FADS1: variants seen among roughly 807,000 people sequenced by gnomAD.
FADS1 encodes the protein acyl-CoA (8-3)-desaturase.
A neutral mutation model predicts 61.6 loss-of-function variants in FADS1; 17 were observed. The observed-to-expected ratio is 0.28, with a 90% CI of 0.19 to 0.41. FADS1 has a LOEUF of 0.41. Among genes scored for constraint, FADS1 ranks in the 10% least tolerant of loss-of-function variants. The pLI, the probability that FADS1 is intolerant of heterozygous loss-of-function variation, is 1.00. For synonymous variants in FADS1, 238 were observed against 258.7 expected, an observed-to-expected ratio of 0.92 and a Z score of 0.77; for missense variants, 387 against 650.9, an observed-to-expected ratio of 0.59 and a Z score of 4.41.
chr11:61,816,905 C>CA lies in FADS1; in HGVS notation c.24_25insT (p.Ala9CysfsTer8). On this transcript the variant is annotated frameshift_variant, in exon 1 of 12. Transcript: ENST00000350997. LOFTEE classifies it high-confidence loss of function. The surrounding 1 kb of genome is among the most constrained non-coding windows in gnomAD (Gnocchi z 7.0). ...TTTTCAGCACCGCAGGGCAGACCGG[C>CA]GGGCCTCGCAGCGCGCGTTCCCATT... The CA allele has an allele frequency of 4.2e-6, 6 of 1,413,954 alleles. No homozygotes were observed. Among genetic ancestry groups the CA allele is most frequent in the Non-Finnish European group, 5.5e-6 (6 of 1,096,116 alleles). 87.6% of individuals were successfully genotyped at this position (1,413,954 alleles called of 1,614,324 possible). A position where few individuals can be genotyped will look rare whatever the true frequency, so the allele number is the denominator to read the frequency against.
chr11:61,816,966 C>A lies in FADS1; in HGVS notation c.-37G>T. The A allele has an allele frequency of 7.3e-7, 1 of 1,372,090 alleles. No individual in the cohort carries two copies. The highest frequency in any genetic ancestry group is 1.7e-5 in the South Asian group (1 of 59,574). 85.0% of individuals were successfully genotyped at this position (1,372,090 alleles called of 1,614,324 possible). ...CGTGGCGCGGGGAGCGAGATCCCGT[C>A]CCCCGGTGGGTCTTGGGCAACTCAC... On this transcript the variant is annotated 5_prime_UTR_variant, in exon 1 of 12. Transcript: ENST00000350997. This position sits in a 1 kb window ranked among gnomAD's most constrained non-coding sequence, Gnocchi z 7.0.
At position 61,813,416 on chromosome 11, in the gene FADS1, G is replaced by C. The variant is rs892845271; in HGVS notation, c.376-63C>G. 25 of 924,014 alleles carry C rather than the reference G, an allele frequency of 2.7e-5. No individual in the cohort carries two copies. In the South Asian group the frequency reaches 3.4e-4, roughly 12 times the overall value. The allele number at this position is 924,014 out of a possible 1,614,324, so 57.2% of individuals were successfully genotyped here. A position where few individuals can be genotyped will look rare whatever the true frequency, so the allele number is the denominator to read the frequency against. On this transcript the variant is annotated intron_variant, in intron 1 of 11. Transcript: ENST00000350997. Reference sequence around the variant, plus strand: ...AGCCCCCTGGACTCCGGCAGTGTTCGCACCAAAGGCCATCCTCCTGCCCGC... The same window carrying C: ...AGCCCCCTGGACTCCGGCAGTGTTCCCACCAAAGGCCATCCTCCTGCCCGC...
At position 61,803,497 on chromosome 11, in the gene FADS1, A is replaced by G. The variant is rs1397765906; in HGVS notation, c.1152-38T>C. ...TTACACAGACAAAAACAGTACACACAGAGCCCAGAATTCTGATTCCCCCCT... is the reference window on the plus strand; with the variant it reads ...TTACACAGACAAAAACAGTACACACGGAGCCCAGAATTCTGATTCCCCCCT... On this transcript the variant is annotated intron_variant, in intron 8 of 11. Transcript: ENST00000350997. The surrounding 1 kb of genome is among the most constrained non-coding windows in gnomAD (Gnocchi z 4.3). 4.5e-6 allele frequency: 7 copies of G among 1,553,624 alleles called. No individual in the cohort carries two copies. The East Asian group carries it at 1.6e-4, about 35-fold the overall frequency.
Position 61,801,035 on chromosome 11 carries a change from C to G in FADS1, c.*1376G>C, listed in dbSNP as rs968985716. On this transcript the variant is annotated 3_prime_UTR_variant, in exon 12 of 12. Transcript: ENST00000350997. ...AGAGTGGACAGAGTAAGATACCTAGCTACAGCAATAGAAATCACAAACTGT... is the reference window on the plus strand; with the variant it reads ...AGAGTGGACAGAGTAAGATACCTAGGTACAGCAATAGAAATCACAAACTGT... The G allele has an allele frequency of 6.6e-6, 1 of 152,334 alleles. No homozygotes were observed. The highest frequency in any genetic ancestry group is 1.5e-5 in the Non-Finnish European group (1 of 68,042). 9.4% of individuals were successfully genotyped at this position (152,334 alleles called of 1,614,324 possible).
intron 6 of FADS1, chr11:61,805,293 G>T (rs2066885439): frequency 6.4e-6 from 1 of 156,170 alleles, no homozygotes; most frequent in South Asian, 2.0e-4. Flanking sequence ...TTCACAGGCT[G>T]TGAAGCTCAC....
chr11:61,816,908 G>C lies in FADS1; in HGVS notation c.22C>G (p.Pro8Ala), dbSNP rs2066991058. MGTRAAR[P>A]AGLPCGAENP... ...TCAGCACCGCAGGGCAGACCGGCGG[G>C]CCTCGCAGCGCGCGTTCCCATTGGC... Residue 8 changes from proline (P) to alanine (A), a missense_variant, in exon 1 of 12, where the codon CCC becomes GCC. Pro to Ala is a conservative substitution (Grantham distance 27, BLOSUM62 -1). Transcript: ENST00000350997. The surrounding 1 kb of genome is among the most constrained non-coding windows in gnomAD (Gnocchi z 7.0). 2.1e-6 allele frequency: 3 copies of C among 1,406,634 alleles called. No individual in the cohort carries two copies. The highest frequency in any genetic ancestry group is 2.7e-6 in the Non-Finnish European group (3 of 1,092,440). 87.1% of individuals were successfully genotyped at this position (1,406,634 alleles called of 1,614,324 possible). A position where few individuals can be genotyped will look rare whatever the true frequency, so the allele number is the denominator to read the frequency against.
rs1591156829 is a variant in FADS1 at position 61,815,888 on chromosome 11, T to G, written c.375+667A>C. The G allele has an allele frequency of 1.8e-5, 4 of 220,054 alleles. No homozygotes were observed. In the South Asian group the frequency reaches 3.1e-4, roughly 17 times the overall value. The allele number at this position is 220,054 out of a possible 1,614,324, so 13.6% of individuals were successfully genotyped here. ...GGCGATTCGAGAACAGCTCTGGGGGTCCTCGCTAAGTGTATGCCATTCCCA... is the reference window on the plus strand; with the variant it reads ...GGCGATTCGAGAACAGCTCTGGGGGGCCTCGCTAAGTGTATGCCATTCCCA... On this transcript the variant is annotated intron_variant, in intron 1 of 11. Coordinates refer to ENST00000350997, the MANE Select transcript of FADS1 (RefSeq NM_013402.7). The surrounding 1 kb of genome is among the most constrained non-coding windows in gnomAD (Gnocchi z 6.4).
Position 61,803,672 on chromosome 11 carries a change from G to T in FADS1, c.1149C>A (p.Val383=). ...TATCCGCCCCCACCGAATACTACCT[G>T]ACTATGAAGAAAAGGCCCAGGAAGG... The part of the protein sequence containing the change: ...LKAFLGLFFI[V]RFLESNWFVW... The change falls in exon 8 of 12, where the codon GTC becomes GTA. Residue 383 remains valine (V), a splice_region_variant and synonymous_variant. Transcript: ENST00000350997. This position sits in a 1 kb window ranked among gnomAD's most constrained non-coding sequence, Gnocchi z 4.3. 3.7e-6 allele frequency: 6 copies of T among 1,610,974 alleles called. No homozygotes were observed. In the South Asian group the frequency reaches 6.6e-5, roughly 18 times the overall value.
At chr11:61,808,972 A>C (rs1337185925) in intron 5 of FADS1, among the ~76,000 whole-genome samples, 1 of 152,174 alleles carries the variant, frequency 6.6e-6, no homozygotes, top group African/African-American at 2.4e-5. Flanking sequence ...ACCCACCAGA[A>C]ACCCTCCTGT....
intron 1 of FADS1, among the ~76,000 whole-genome samples, chr11:61,813,987 A>G (rs1177456483): frequency 7.0e-6 from 1 of 142,352 alleles, no homozygotes; most frequent in Non-Finnish European, 1.6e-5. Context: ...AAAAAAAAAA[A>G]GGCTGCTCCC....
At chr11:61,811,780 G>A (rs777342891) in intron 3 of FADS1, 1 of 376,582 alleles carries the variant, frequency 2.7e-6, no homozygotes, top group South Asian at 1.9e-5. Context: ...ATAGAGACGG[G>A]GTTTCACCAT....
chr11:61,816,983 G>T lies in FADS1; in HGVS notation c.-54C>A. The T allele has an allele frequency of 7.4e-7, 1 of 1,347,032 alleles. No individual in the cohort carries two copies. The allele number at this position is 1,347,032 out of a possible 1,614,324, so 83.4% of individuals were successfully genotyped here. A position where few individuals can be genotyped will look rare whatever the true frequency, so the allele number is the denominator to read the frequency against. On this transcript the variant is annotated 5_prime_UTR_variant, in exon 1 of 12. Transcript: ENST00000350997. The surrounding 1 kb of genome is among the most constrained non-coding windows in gnomAD (Gnocchi z 7.0). ...GATCCCGTCCCCCGGTGGGTCTTGG[G>T]CAACTCACAGCTGGGCTGCCAACAC... is the stretch of plus-strand genomic sequence containing the variant.
rs1019520501 is a variant in FADS1, at chr11:61,810,678, G to A, written c.915+73C>T. On this transcript the variant is annotated intron_variant, in intron 5 of 11. Transcript: ENST00000350997. ...TCTTGCCCACACTGACAACATCGTG[G>A]GCATCTTCCCCAACTCCCCTATGTT... 16 of 1,563,314 alleles carry A rather than the reference G, an allele frequency of 1.0e-5. No individual in the cohort carries two copies. The African/African-American group carries it at 1.1e-4, about 11-fold the overall frequency.
At position 61,803,807 on chromosome 11, in the gene FADS1, A is replaced by ACTCTTC; in HGVS notation, c.1054-46_1054-41dup. 1 of 1,436,018 alleles carries ACTCTTC rather than the reference A, an allele frequency of 7.0e-7. No individual in the cohort carries two copies. Among genetic ancestry groups the ACTCTTC allele is most frequent in the Non-Finnish European group, 9.8e-7 (1 of 1,018,552 alleles). The allele number at this position is 1,436,018 out of a possible 1,614,324, so 89.0% of individuals were successfully genotyped here. A position where few individuals can be genotyped will look rare whatever the true frequency, so the allele number is the denominator to read the frequency against. On this transcript the variant is annotated intron_variant, in intron 7 of 11. Transcript: ENST00000350997. The surrounding 1 kb of genome is among the most constrained non-coding windows in gnomAD (Gnocchi z 4.3). ...GCAGCGAGCATAACAGTCACGAACA[A>ACTCTTC]CTCTTCCTCTTCCTCTCAGCAGCTC...
chr11:61,810,668 C>T (rs1791249904), intron 5 of FADS1, 83 bp downstream of exon 5: 1 of 1,533,728 alleles, frequency 6.5e-7, no homozygotes, highest in Non-Finnish European at 8.9e-7. Flanking sequence ...CCCACACTGA[C>T]AACATCGTGG....
Position 61,803,991 on chromosome 11 carries a change from G to T in FADS1, c.1054-224C>A. On this transcript the variant is annotated intron_variant, in intron 7 of 11. Transcript: ENST00000350997. This position sits in a 1 kb window ranked among gnomAD's most constrained non-coding sequence, Gnocchi z 4.3. ...TGCATGTCCCCTTCAAAAGTACCAA[G>T]GCCTACAAGGTCTCTTTGCCTCTAG... 1.7e-6 allele frequency: 1 copy of T among 576,998 alleles called. No homozygotes were observed. Among genetic ancestry groups the T allele is most frequent in the Non-Finnish European group, 3.1e-6 (1 of 323,866 alleles). The allele number at this position is 576,998 out of a possible 1,614,324, so 35.7% of individuals were successfully genotyped here. A position where few individuals can be genotyped will look rare whatever the true frequency, so the allele number is the denominator to read the frequency against.
intron 2 of FADS1, among the ~76,000 whole-genome samples, 189 bp from the exon 3 acceptor site, chr11:61,812,857 G>A (rs1420087742): frequency 6.6e-6 from 1 of 152,116 alleles, no homozygotes; most frequent in Admixed American, 6.5e-5. Context: ...AGAGTTCAGG[G>A]GACTAAGTCC....
intron 2 of FADS1, among the ~76,000 whole-genome samples, chr11:61,812,968 C>T (rs1406448456): frequency 2.0e-5 from 3 of 152,192 alleles, no homozygotes; most frequent in East Asian, 1.9e-4. Context: ...TGAGTTTATG[C>T]TTGGTGCATA....
rs1372133268 is a variant in FADS1, at chr11:61,816,197, G to A, written c.375+358C>T. On this transcript the variant is annotated intron_variant, in intron 1 of 11. Coordinates refer to ENST00000350997, the MANE Select transcript of FADS1 (RefSeq NM_013402.7). The surrounding 1 kb of genome is among the most constrained non-coding windows in gnomAD (Gnocchi z 7.0). ...CACTGACCCCCTCCCTCCCCAGGCG[G>A]CCTGCATCCTTGCTCTCCTCCCTCC... The A allele has an allele frequency of 4.0e-6, 6 of 1,501,832 alleles. No individual in the cohort carries two copies. Among genetic ancestry groups the A allele is most frequent in the African/African-American group, 1.4e-5 (1 of 72,856 alleles). The allele number at this position is 1,501,832 out of a possible 1,614,324, so 93.0% of individuals were successfully genotyped here.
Sources: allele counts gnomAD v4.1 joint callset (sites outside exome capture counted in the v4.1 genomes callset), GRCh38; gene constraint gnomAD v4.1.1; non-coding constraint Gnocchi (gnomAD v3.1); transcripts MANE v1.5; gene names NCBI Gene and HGNC (gene_info 2026-07-23, HGNC 2026-07-21).